The following COG5 variants were observed in gnomAD, a reference collection of about 807,000 sequenced individuals.
The protein encoded by COG5 is component of oligomeric golgi complex 5.
COG5 carries 86 observed loss-of-function variants against 110.4 expected under a neutral mutation model. The ratio of observed to expected loss-of-function variants is 0.78; its 90% CI spans 0.65 to 0.93. COG5 has a LOEUF of 0.93. Among genes scored for constraint, COG5 ranks in the 40% least tolerant of loss-of-function variants. The pLI, the probability that COG5 is intolerant of heterozygous loss-of-function variation, is 0.00. For synonymous variants in COG5, 360 were observed against 334.6 expected (o/e 1.08, Z -0.83); for missense variants, 1,077 against 987.0 (o/e 1.09, Z -1.22).
At chr7:107,309,929 T>A (rs774376496) in intron 11 of COG5, among the ~76,000 whole-genome samples, 4 of 152,168 alleles carry the variant, frequency 2.6e-5, no homozygotes, top group Non-Finnish European at 5.9e-5. Flanking sequence ...CAACCATTTT[T>A]CTGGATTTTA....
intron 21 of COG5, chr7:107,208,682 C>T (rs1463845451): frequency 4.1e-6 from 4 of 985,342 alleles, no homozygotes; most frequent in Middle Eastern, 5.2e-4. Flanking sequence ...TCTCCCATTT[C>T]TGTGTCAGAT....
At chr7:107,559,927 A>AG (rs1367679942) in intron 1 of COG5, among the ~76,000 whole-genome samples, 1 of 152,252 alleles carries the variant, frequency 6.6e-6, no homozygotes, top group Non-Finnish European at 1.5e-5. Flanking sequence ...CAAAGGTTGG[A>AG]GCGCAGTTTG....
At chr7:107,433,916 C>G (rs1000369023) in intron 6 of COG5, among the ~76,000 whole-genome samples, 1 of 151,908 alleles carries the variant, frequency 6.6e-6, no homozygotes, top group Non-Finnish European at 1.5e-5. Flanking sequence ...AATAATATTT[C>G]TAATAAAGGG....
At chr7:107,501,119 T>C (rs900105396) in intron 6 of COG5, among the ~76,000 whole-genome samples, 1 of 152,052 alleles carries the variant, frequency 6.6e-6, no homozygotes, top group African/African-American at 2.4e-5. Context: ...AAAGCTGTAA[T>C]TCATCAAGAA....
chr7:107,529,587 AGG>A (rs1801027572), intron 5 of COG5, among the ~76,000 whole-genome samples: 1 of 152,180 alleles, frequency 6.6e-6, no homozygotes, highest in African/African-American at 2.4e-5. Context: ...AAGGGTAAGG[AGG>A]GCACTGGACA....
chr7:107,283,785 C>T (rs1805388335), intron 12 of COG5, 53 bp from the exon 13 acceptor site: 1 of 1,323,988 alleles, frequency 7.6e-7, no homozygotes, highest in South Asian at 1.2e-5. Context: ...GAGCTAAATG[C>T]TATTGTATCA....
At position 107,237,637 on chromosome 7, in the gene COG5, C is replaced by T. The variant is rs1485716877; in HGVS notation, c.1854-950G>A. Among the ~76,000 whole-genome samples the T allele has an allele frequency of 5.3e-5, 8 of 152,120 alleles. No individual in the cohort carries two copies. In the East Asian group the frequency reaches 1.3e-3, roughly 26 times the overall value. Reference sequence around the variant, plus strand: ...ATAAATAGGATGCTAACCAGAGGTCCGTCACTTTCAGAAGCAGATAGAGAT... The same window carrying T: ...ATAAATAGGATGCTAACCAGAGGTCTGTCACTTTCAGAAGCAGATAGAGAT... On this transcript the variant is annotated intron_variant, in intron 17 of 21. Coordinates refer to ENST00000297135, the MANE Select transcript of COG5 (RefSeq NM_006348.5).
intron 19 of COG5, among the ~76,000 whole-genome samples, chr7:107,220,052 G>T (rs1799801931): frequency 6.6e-6 from 1 of 152,186 alleles, no homozygotes; most frequent in Admixed American, 6.5e-5. Context: ...TCCAGTAAAA[G>T]CTAGAAGTGG....
At chr7:107,486,044 T>C (rs1283606207) in intron 6 of COG5, among the ~76,000 whole-genome samples, 1 of 152,050 alleles carries the variant, frequency 6.6e-6, no homozygotes, top group African/African-American at 2.4e-5. Flanking sequence ...CAATTCACTT[T>C]GACACTAGTA....
chr7:107,476,304 G>GA (rs5886418), intron 6 of COG5, among the ~76,000 whole-genome samples: 63,352 of 143,858 alleles, frequency 0.44, 14,072 homozygotes, highest in Non-Finnish European at 0.51. Context: ...TACCAGGAAT[G>GA]AAAAAAAAAA....
chr7:107,301,912 C>G (rs910616060), intron 11 of COG5, among the ~76,000 whole-genome samples: 3 of 152,012 alleles, frequency 2.0e-5, no homozygotes, highest in Non-Finnish European at 2.9e-5. Flanking sequence ...GATAAACAAA[C>G]TAGAACTCTT....
chr7:107,329,298 TG>T (rs1810037652), intron 10 of COG5, among the ~76,000 whole-genome samples: 1 of 152,034 alleles, frequency 6.6e-6, no homozygotes, highest in Non-Finnish European at 1.5e-5. Context: ...AGAAAGGATG[TG>T]AAAAGTCCTT....
At chr7:107,563,738 G>C in intron 1 of COG5, 65 bp downstream of exon 1, 1 of 1,574,586 alleles carries the variant, frequency 6.4e-7, no homozygotes, top group East Asian at 2.2e-5. Context: ...GGTCCACCTC[G>C]CTGTCCAGGT....
intron 6 of COG5, among the ~76,000 whole-genome samples, chr7:107,439,738 G>A (rs191726514): frequency 1.6e-4 from 24 of 152,178 alleles, no homozygotes; most frequent in Admixed American, 1.6e-3. Flanking sequence ...TGCAAATAAA[G>A]ACAATTTTGT....
At chr7:107,324,714 T>C (rs538694612) in intron 10 of COG5, among the ~76,000 whole-genome samples, 193 bp from the exon 11 acceptor site, 1 of 152,284 alleles carries the variant, frequency 6.6e-6, no homozygotes, top group East Asian at 1.9e-4. Flanking sequence ...TATGTTCAAG[T>C]AGTCAGTCAT....
chr7:107,524,994 C>A (rs1402660185), intron 6 of COG5, among the ~76,000 whole-genome samples: 1 of 152,046 alleles, frequency 6.6e-6, no homozygotes, highest in African/African-American at 2.4e-5. Context: ...AGTTGCAGAT[C>A]TCGGCTCACT....
chr7:107,349,632 ACT>A (rs1811954423), intron 10 of COG5, among the ~76,000 whole-genome samples: 1 of 151,490 alleles, frequency 6.6e-6, no homozygotes, highest in Non-Finnish European at 1.5e-5. Context: ...ATCTCGGCTC[ACT>A]GCAAGCTCCG....
At chr7:107,531,631 C>T (rs1035173226) in intron 5 of COG5, among the ~76,000 whole-genome samples, 17 of 125,206 alleles carry the variant, frequency 1.4e-4, no homozygotes, top group Admixed American at 1.2e-3. Context: ...AAAAATTAGT[C>T]GGTGAGGGCG....
intron 19 of COG5, among the ~76,000 whole-genome samples, chr7:107,214,218 A>T (rs1799361936): frequency 2.0e-5 from 3 of 152,196 alleles, no homozygotes; most frequent in Admixed American, 2.0e-4. Flanking sequence ...AACTGTCAAA[A>T]ATAAAAGACA....
Sources: gnomAD v4.1 joint callset for allele counts (sites outside exome capture counted in the v4.1 genomes callset) on GRCh38, gnomAD v4.1.1 for gene constraint, MANE v1.5 for transcripts, NCBI Gene and HGNC (gene_info 2026-07-23, HGNC 2026-07-21) for gene names.